The following IL12A variants were observed in gnomAD, a reference collection of about 807,000 sequenced individuals.
The protein encoded by IL12A is interleukin 12A.
In IL12A, 16 loss-of-function variants were observed where a neutral mutation model predicts 23.5. That is an observed-to-expected ratio of 0.68 (90% confidence interval 0.46 to 1.03). The LOEUF is 1.03. IL12A is among the 50% of genes least tolerant of loss of function. The pLI is 0.00. For missense variants in IL12A, 275 were observed against 307.0 expected, an observed-to-expected ratio of 0.90 and a Z score of 0.78; for synonymous variants, 106 against 111.5, an observed-to-expected ratio of 0.95 and a Z score of 0.31.
chr3:159,992,932 G>A, intron 2 of IL12A, 80 bp from the exon 3 acceptor site: 1 of 769,042 alleles, frequency 1.3e-6, no homozygotes, highest in South Asian at 1.8e-5. Context: ...AGCCTTCCTG[G>A]CACCCTGGCT....
In IL12A at chr3:159,993,703, C is replaced by G. The variant is rs565337869; in HGVS notation, c.465C>G (p.Ala155=). The G allele has an allele frequency of 4.3e-6, 7 of 1,614,062 alleles. No homozygotes were observed. The South Asian group carries it at 7.7e-5, about 18-fold the overall frequency. Residue 155 remains alanine (A), a splice_region_variant and synonymous_variant, in exon 6 of 7, where the codon GCC becomes GCG. Coordinates refer to ENST00000305579, the MANE Select transcript of IL12A (RefSeq NM_000882.4). ...CCCCATCTTGTCATGTCACCCAGGC[C>G]CTGTGCCTTAGTAGTATTTATGAAG...
Position 159,988,935 on chromosome 3 carries a change from G to T in IL12A, c.-122G>T, listed in dbSNP as rs562488334. 3 of 847,988 alleles carry T rather than the reference G, an allele frequency of 3.5e-6. No homozygotes were observed. Among genetic ancestry groups the T allele is most frequent in the Non-Finnish European group, 5.7e-6 (3 of 527,244 alleles). 52.5% of individuals were successfully genotyped at this position (847,988 alleles called of 1,614,324 possible). On this transcript the variant is annotated 5_prime_UTR_variant, in exon 1 of 7. Transcript: ENST00000305579. ...TTAATCCGAAAGCGCCGCAAGCCCC[G>T]CGGGCCGGCCGCACCGCACGTGTCA... is the stretch of plus-strand genomic sequence containing the variant.
intron 2 of IL12A, among the ~76,000 whole-genome samples, chr3:159,991,833 T>C (rs1245954352): frequency 6.6e-6 from 1 of 152,176 alleles, no homozygotes; most frequent in Non-Finnish European, 1.5e-5. Flanking sequence ...CAATGTCTGG[T>C]TGAGTCTTTC....
intron 3 of IL12A, 64 bp from the exon 4 acceptor site, chr3:159,993,387 C>G: frequency 7.7e-7 from 1 of 1,293,596 alleles, no homozygotes; most frequent in Non-Finnish European, 1.1e-6. Context: ...AAATTTGAGA[C>G]CTGAAGAGTC....
At chr3:159,994,758 G>A (rs1343221088) in intron 6 of IL12A, among the ~76,000 whole-genome samples, 2 of 152,068 alleles carry the variant, frequency 1.3e-5, no homozygotes, top group Non-Finnish European at 1.5e-5. Flanking sequence ...AATTCTACCA[G>A]TAACCAGACA....
At chr3:159,989,216 G>A in intron 1 of IL12A, 42 bp downstream of exon 1, 2 of 1,518,290 alleles carry the variant, frequency 1.3e-6, no homozygotes, top group Non-Finnish European at 1.8e-6. Context: ...GCTCGGGTGC[G>A]GAGGGGCGGC....
chr3:159,990,126 A>G, intron 1 of IL12A, 41 bp from the exon 2 acceptor site: 1 of 1,607,268 alleles, frequency 6.2e-7, no homozygotes, highest in African/African-American at 1.3e-5. Flanking sequence ...CAGGCAGGCC[A>G]TCCAGGCTGA....
Position 159,989,020 on chromosome 3 carries a change from C to T in IL12A, c.-37C>T, listed in dbSNP as rs201148015. ...GACAGAAAGCAAGAGACCAGAGTCC[C>T]GGGAAAGTCCTGCCGCGCCTCGGGA... On this transcript the variant is annotated 5_prime_UTR_variant, in exon 1 of 7. Transcript: ENST00000305579. 2.0e-6 allele frequency: 3 copies of T among 1,518,944 alleles called. No individual in the cohort carries two copies. Among genetic ancestry groups the T allele is most frequent in the East Asian group, 2.3e-5 (1 of 44,380 alleles). The allele number at this position is 1,518,944 out of a possible 1,614,324, so 94.1% of individuals were successfully genotyped here. A position where few individuals can be genotyped will look rare whatever the true frequency, so the allele number is the denominator to read the frequency against.
intron 6 of IL12A, among the ~76,000 whole-genome samples, chr3:159,994,066 C>G (rs1260214045): frequency 6.6e-6 from 1 of 152,126 alleles, no homozygotes; most frequent in East Asian, 1.9e-4. Context: ...CTGTGGTATC[C>G]CCCACACTCG....
Position 159,989,194 on chromosome 3 carries a change from G to C in IL12A, c.118+20G>C, listed in dbSNP as rs377562012. The C allele has an allele frequency of 2.3e-4, 367 of 1,598,858 alleles. No homozygotes were observed. Among genetic ancestry groups the C allele is most frequent in the Middle Eastern group, 7.9e-4 (4 of 5,044 alleles). Reference sequence around the variant, plus strand: ...CGCGCAGTGAGTACTCAGCCCGCCAGGTCTTTGGCTCGCTCGGGTGCGGAG... The same window carrying C: ...CGCGCAGTGAGTACTCAGCCCGCCACGTCTTTGGCTCGCTCGGGTGCGGAG... On this transcript the variant is annotated intron_variant, in intron 1 of 6. Coordinates refer to ENST00000305579, the MANE Select transcript of IL12A (RefSeq NM_000882.4).
At chr3:159,989,330 G>A (rs1577555357) in intron 1 of IL12A, 156 bp downstream of exon 1, 1 of 627,364 alleles carries the variant, frequency 1.6e-6, no homozygotes, top group East Asian at 2.9e-5. Flanking sequence ...CTCACCGTGT[G>A]CTAAATAGGG....
At position 159,993,482 on chromosome 3, in the gene IL12A, C is replaced by G; in HGVS notation, c.410C>G (p.Ser137Cys). Residue 137 changes from serine (S) to cysteine (C), a missense_variant, in exon 4 of 7, where the codon TCT becomes TGT. Physicochemically the swap from Ser to Cys is moderately radical, Grantham distance 112. Transcript: ENST00000305579. Reference sequence around the variant, plus strand: ...AGTTGCCTAAATTCCAGAGAGACCTCTTTCATAACTGTAAGTCAAAAAATG... The same window carrying G: ...AGTTGCCTAAATTCCAGAGAGACCTGTTTCATAACTGTAAGTCAAAAAATG... 6.2e-7 allele frequency: 1 copy of G among 1,613,296 alleles called. No homozygotes were observed. The highest frequency in any genetic ancestry group is 8.5e-7 in the Non-Finnish European group (1 of 1,179,274).
At chr3:159,990,350 C>T (rs373795753) in intron 2 of IL12A, 38 bp downstream of exon 2, 91 of 1,601,310 alleles carry the variant, frequency 5.7e-5, no homozygotes, top group Non-Finnish European at 1.7e-5. Flanking sequence ...GGACCTGCAC[C>T]CTCCCTGAGG....
At chr3:159,989,864 C>A (rs535322538) in intron 1 of IL12A, among the ~76,000 whole-genome samples, 1 of 152,332 alleles carries the variant, frequency 6.6e-6, no homozygotes, top group African/African-American at 2.4e-5. Context: ...CACTTCACCA[C>A]CTGGTCTGGG....
Position 159,995,484 on chromosome 3 carries a change from C to G in IL12A, c.687C>G (p.Leu229=). 2 of 1,608,430 alleles carry G rather than the reference C, an allele frequency of 1.2e-6. No individual in the cohort carries two copies. Among genetic ancestry groups the G allele is most frequent in the Non-Finnish European group, 1.7e-6 (2 of 1,177,600 alleles). ...ATTTTTATAAAACTAAAATCAAGCT[C>G]TGCATACTTCTTCATGCTTTCAGAA... Residue 229 remains leucine, a synonymous_variant, in exon 7 of 7, where the codon CTC becomes CTG. Transcript: ENST00000305579.
chr3:159,993,540 A>C, intron 4 of IL12A, 28 bp from the exon 5 acceptor site: 1 of 1,613,812 alleles, frequency 6.2e-7, no homozygotes, highest in Non-Finnish European at 8.5e-7. Flanking sequence ...AATTCATATC[A>C]CTGATGTCTG....
intron 2 of IL12A, 30 bp from the exon 3 acceptor site, chr3:159,992,982 T>A: frequency 7.4e-7 from 1 of 1,354,956 alleles, no homozygotes; most frequent in Non-Finnish European, 1.1e-6. Flanking sequence ...ATCAATGTTA[T>A]AAACTGAGTT....
intron 2 of IL12A, 101 bp downstream of exon 2, chr3:159,990,413 T>C: frequency 1.6e-6 from 2 of 1,237,616 alleles, no homozygotes; most frequent in Non-Finnish European, 2.3e-6. Flanking sequence ...AGAGAAATTG[T>C]GGAAGTTCAT....
At position 159,990,082 on chromosome 3, in the gene IL12A, G is replaced by A. The variant is rs577539649; in HGVS notation, c.119-85G>A. 121 of 1,394,228 alleles carry A rather than the reference G, an allele frequency of 8.7e-5. 1 individual carries two copies. The South Asian group carries it at 1.4e-3, about 17-fold the overall frequency. The allele number at this position is 1,394,228 out of a possible 1,614,324, so 86.4% of individuals were successfully genotyped here. A position where few individuals can be genotyped will look rare whatever the true frequency, so the allele number is the denominator to read the frequency against. On this transcript the variant is annotated intron_variant, in intron 1 of 6. Transcript: ENST00000305579. ...AGGTGGGTGCCAAGCATGAATGGATGGGTGAAGGTGGCCAGAATGGAGGGA... is the reference window on the plus strand; with the variant it reads ...AGGTGGGTGCCAAGCATGAATGGATAGGTGAAGGTGGCCAGAATGGAGGGA...
Sources: allele counts gnomAD v4.1 joint callset (sites outside exome capture counted in the v4.1 genomes callset), GRCh38; gene constraint gnomAD v4.1.1; transcripts MANE v1.5; gene names NCBI Gene and HGNC (gene_info 2026-07-23, HGNC 2026-07-21).